DHRSX: variants seen among roughly 807,000 people sequenced by gnomAD.
DHRSX encodes polyprenol dehydrogenase.
Under a neutral mutation model 34.0 loss-of-function variants are expected in DHRSX, and 31 were observed. That is an observed-to-expected ratio of 0.91 (90% CI 0.69 to 1.23). The LOEUF is 1.23. Ranked by LOEUF, DHRSX falls within the 50% of genes most tolerant of loss-of-function variation. The pLI is 0.00. For missense variants in DHRSX, 414 were observed against 428.1 expected, an observed-to-expected ratio of 0.97 and a Z score of 0.29; for synonymous variants, 201 against 183.8, an observed-to-expected ratio of 1.09 and a Z score of -0.76.
At chrX:2,417,013 C>T (rs1422864884) in intron 2 of DHRSX, among the ~76,000 whole-genome samples, 2 of 152,014 alleles carry the variant, frequency 1.3e-5, no homozygotes, top group Non-Finnish European at 2.9e-5. Context: ...AGAATATATC[C>T]AATTATCCTC....
chrX:2,277,154 A>AG (rs1289846469), intron 4 of DHRSX, among the ~76,000 whole-genome samples: 5 of 1,790 alleles, frequency 2.8e-3, no homozygotes, highest in South Asian at 9.3e-3. Context: ...AGGAGGAAAT[A>AG]GGGGAAAGAG....
intron 6 of DHRSX, among the ~76,000 whole-genome samples, chrX:2,226,601 C>A (rs1054700509): frequency 1.3e-5 from 2 of 152,020 alleles, no homozygotes; most frequent in African/African-American, 4.8e-5. Context: ...GAGATCAAGA[C>A]CATCCTGGCT....
At chrX:2,378,723 T>G (rs1033240362) in intron 3 of DHRSX, among the ~76,000 whole-genome samples, 1 of 152,066 alleles carries the variant, frequency 6.6e-6, no homozygotes, top group African/African-American at 2.4e-5. Flanking sequence ...CAGGCTGGAG[T>G]GCAGTGGTGC....
chrX:2,496,702 G>C (rs1316011663), intron 1 of DHRSX, among the ~76,000 whole-genome samples: 1 of 151,986 alleles, frequency 6.6e-6, no homozygotes, highest in African/African-American at 2.4e-5. Flanking sequence ...GCGGGTGATA[G>C]ATATTAGTTT....
At chrX:2,408,898 G>A (rs1298977274) in intron 2 of DHRSX, 85 bp from the exon 3 acceptor site, 22 of 1,181,764 alleles carry the variant, frequency 1.9e-5, no homozygotes, top group African/African-American at 3.2e-5. Context: ...GAGGTTTTAA[G>A]AGAAGTATAA....
At chrX:2,494,391 A>G (rs1449786472) in intron 1 of DHRSX, among the ~76,000 whole-genome samples, 1 of 151,872 alleles carries the variant, frequency 6.6e-6, no homozygotes, top group African/African-American at 2.4e-5. Flanking sequence ...TTTTTATTCT[A>G]TTATTATTAC....
intron 3 of DHRSX, chrX:2,338,087 T>C (rs1203251074): frequency 6.9e-6 from 1 of 145,802 alleles, no homozygotes; most frequent in Non-Finnish European, 1.5e-5. Flanking sequence ...AATCCCAACA[T>C]TTTGGGAGGC....
chrX:2,408,512 T>C (rs2043586928), intron 3 of DHRSX, among the ~76,000 whole-genome samples: 1 of 152,154 alleles, frequency 6.6e-6, no homozygotes, highest in African/African-American at 2.4e-5. Context: ...CCAGCACATC[T>C]GCATGCCTTT....
intron 3 of DHRSX, among the ~76,000 whole-genome samples, chrX:2,388,120 G>A (rs1431514998): frequency 6.6e-6 from 1 of 152,056 alleles, no homozygotes; most frequent in African/African-American, 2.4e-5. Context: ...AGTGGTATGG[G>A]TTTGTCCTTG....
chrX:2,321,142 A>C (rs943838831), intron 3 of DHRSX, among the ~76,000 whole-genome samples: 9 of 152,120 alleles, frequency 5.9e-5, no homozygotes, highest in Non-Finnish European at 8.8e-5. Flanking sequence ...GTATATCTTC[A>C]TGCCGAGGGG....
intron 2 of DHRSX, among the ~76,000 whole-genome samples, chrX:2,410,300 TG>T: frequency 6.6e-6 from 1 of 151,822 alleles, no homozygotes; most frequent in Middle Eastern, 3.4e-3. Flanking sequence ...ACGGAAAAAG[TG>T]TTGAGAGAAG....
rs2043999708 is a variant in DHRSX at position 2,436,992 on chromosome X, G to A, written c.110-11688C>T. Reference sequence around the variant, plus strand: ...TTTACTTTCATGTTTGGTATACACTGCCTTGAATCCTTTCTCTTTTTTTGA... The same window carrying A: ...TTTACTTTCATGTTTGGTATACACTACCTTGAATCCTTTCTCTTTTTTTGA... On this transcript the variant is annotated intron_variant, in intron 1 of 6. Coordinates refer to ENST00000334651, the MANE Select transcript of DHRSX (RefSeq NM_145177.3). Among the ~76,000 whole-genome samples, 3 of 151,830 alleles carry A rather than the reference G, an allele frequency of 2.0e-5. 1 individual carries two copies. In the South Asian group the frequency reaches 6.2e-4, roughly 32 times the overall value.
chrX:2,322,555 C>CAA lies in DHRSX; in HGVS notation c.287-30954_287-30953dup, dbSNP rs752649879. Among the ~76,000 whole-genome samples, 108 of 123,180 alleles carry CAA rather than the reference C, an allele frequency of 8.8e-4. 1 individual carries two copies. Among genetic ancestry groups the CAA allele is most frequent in the Middle Eastern group, 7.9e-3 (2 of 252 alleles). 80.8% of individuals were successfully genotyped at this position (123,180 alleles called of 152,430 possible). A position where few individuals can be genotyped will look rare whatever the true frequency, so the allele number is the denominator to read the frequency against. ...AGGGCAACAGAGTGAAACTCCATCT[C>CAA]AAAAAAAAAAAAAAAAGAATGAAAG... On this transcript the variant is annotated intron_variant, in intron 3 of 6. Coordinates refer to ENST00000334651, the MANE Select transcript of DHRSX (RefSeq NM_145177.3).
intron 1 of DHRSX, among the ~76,000 whole-genome samples, chrX:2,426,602 C>T (rs776879917): frequency 1.4e-5 from 2 of 140,978 alleles, no homozygotes; most frequent in East Asian, 2.1e-4. Flanking sequence ...TCCCTCTTTC[C>T]TTCTTTCCTT....
rs564265333 is a variant in DHRSX at position 2,222,254 on chromosome X, T to C, written c.805-1025A>G. Among the ~76,000 whole-genome samples, 42 of 152,332 alleles carry C rather than the reference T, an allele frequency of 2.8e-4. No individual in the cohort carries two copies. In the South Asian group the frequency reaches 7.9e-3, roughly 29 times the overall value. ...GTCCAGAGTTTTTACTGGGGTCTCA[T>C]TGCATAGGTATGATTAAGTCATTGG... On this transcript the variant is annotated intron_variant, in intron 6 of 6. Coordinates refer to ENST00000334651, the MANE Select transcript of DHRSX (RefSeq NM_145177.3).
chrX:2,270,862 GTGCTCTGTAAAATGGACCAATCAA>G lies in DHRSX; in HGVS notation c.389-3939_389-3916del, dbSNP rs1361206745. On this transcript the variant is annotated intron_variant, in intron 4 of 6. Coordinates refer to ENST00000334651, the MANE Select transcript of DHRSX (RefSeq NM_145177.3). ...AGCAGTCTGTAAAATGGACCAATCA[GTGCTCTGTAAAATGGACCAATCAA>G]TGCTCTATAAAATGGACCAATCAGC... 1.7e-4 allele frequency among the ~76,000 whole-genome samples: 26 copies of G among 152,206 alleles called. 1 individual carries two copies. Among genetic ancestry groups the G allele is most frequent in the Non-Finnish European group, 1.8e-4 (12 of 68,028 alleles).
At position 2,222,593 on chromosome X, in the gene DHRSX, C is replaced by T. The variant is rs923772716; in HGVS notation, c.805-1364G>A. 9.4e-4 allele frequency among the ~76,000 whole-genome samples: 143 copies of T among 152,312 alleles called. 1 individual carries two copies. Among genetic ancestry groups the T allele is most frequent in the Non-Finnish European group, 1.8e-3 (123 of 68,030 alleles). On this transcript the variant is annotated intron_variant, in intron 6 of 6. Transcript: ENST00000334651. The stretch of plus-strand genomic sequence containing the variant: ...GAACTGATTTCACCTCTCACCAGTG[C>T]CCCTAGCACTGCAGTGGCTCAGGCC...
rs748621893 is a variant in DHRSX at position 2,287,059 on chromosome X, T to G, written c.388+4443A>C. Among the ~76,000 whole-genome samples, 5 of 152,360 alleles carry G rather than the reference T, an allele frequency of 3.3e-5. No individual in the cohort carries two copies. In the East Asian group the frequency reaches 7.7e-4, roughly 24 times the overall value. On this transcript the variant is annotated intron_variant, in intron 4 of 6. Coordinates refer to ENST00000334651, the MANE Select transcript of DHRSX (RefSeq NM_145177.3). ...AAGGCAGAACATTTCACAGAATGAT[T>G]ATTGGTCCAATGTTTGTTTCCGTTG...
chrX:2,440,383 G>A (rs1359764528), intron 1 of DHRSX, among the ~76,000 whole-genome samples: 1 of 151,664 alleles, frequency 6.6e-6, no homozygotes, highest in African/African-American at 2.4e-5. Flanking sequence ...GTGTTTTTTT[G>A]TAGAGACAGG....
Sources: allele counts gnomAD v4.1 joint callset (sites outside exome capture counted in the v4.1 genomes callset), GRCh38; gene constraint gnomAD v4.1.1; transcripts MANE v1.5; gene names NCBI Gene and HGNC (gene_info 2026-07-23, HGNC 2026-07-21).